Variants in EXOC6 observed in about 807,000 individuals in gnomAD.
The protein encoded by EXOC6 is exocyst complex component 6, also known as SEC15-like 1.
Under a neutral mutation model 112.5 loss-of-function variants are expected in EXOC6, and 60 were observed. The observed-to-expected ratio is 0.53, with a 90% CI of 0.43 to 0.66. The LOEUF is 0.66. Among genes scored for constraint, EXOC6 ranks in the 30% least tolerant of loss-of-function variants. The pLI, the probability that EXOC6 is intolerant of heterozygous loss-of-function variation, is 0.00. For missense variants in EXOC6, 855 were observed against 957.1 expected, an observed-to-expected ratio of 0.89 and a Z score of 1.41; for synonymous variants, 295 against 308.0, an observed-to-expected ratio of 0.96 and a Z score of 0.44.
chr10:93,042,952 A>T (rs1169935646), intron 20 of EXOC6, among the ~76,000 whole-genome samples: 1 of 113,698 alleles, frequency 8.8e-6, no homozygotes, highest in Admixed American at 9.9e-5. Context: ...TATTATTATT[A>T]TTATTATTTT....
At chr10:92,909,231 A>T (rs927499770) in intron 5 of EXOC6, among the ~76,000 whole-genome samples, 196 bp from the exon 6 acceptor site, 4 of 152,208 alleles carry the variant, frequency 2.6e-5, no homozygotes, top group Non-Finnish European at 5.9e-5. Context: ...TATGCCATCA[A>T]CTTTGAGCCT....
At chr10:92,893,857 A>G (rs970750407) in intron 2 of EXOC6, among the ~76,000 whole-genome samples, 25 of 152,300 alleles carry the variant, frequency 1.6e-4, no homozygotes, top group African/African-American at 6.0e-4. Context: ...TTATCCTCTA[A>G]AATTCCTTTA....
At chr10:92,908,009 A>AT (rs1850537158) in intron 5 of EXOC6, among the ~76,000 whole-genome samples, 2 of 150,072 alleles carry the variant, frequency 1.3e-5, no homozygotes, top group Non-Finnish European at 3.0e-5. Context: ...TTGAGAGTAT[A>AT]TGCCAGAAAA....
chr10:93,017,736 G>A (rs1590049627), intron 20 of EXOC6, among the ~76,000 whole-genome samples: 2 of 152,186 alleles, frequency 1.3e-5, no homozygotes, highest in East Asian at 3.9e-4. Context: ...AAAAGGCTGG[G>A]CGTGGTGGCT....
At chr10:93,028,570 C>G (rs1370938391) in intron 20 of EXOC6, among the ~76,000 whole-genome samples, 1 of 152,258 alleles carries the variant, frequency 6.6e-6, no homozygotes, top group East Asian at 1.9e-4. Context: ...TGCGGTGGCT[C>G]AGGCCTGTAA....
chr10:92,917,266 T>G (rs1164546503), intron 7 of EXOC6, among the ~76,000 whole-genome samples: 1 of 152,016 alleles, frequency 6.6e-6, no homozygotes. Context: ...CGCCCAAATC[T>G]AATTATTTTT....
chr10:92,977,101 G>T (rs1842652993), intron 18 of EXOC6, among the ~76,000 whole-genome samples: 1 of 152,074 alleles, frequency 6.6e-6, no homozygotes, highest in Non-Finnish European at 1.5e-5. Flanking sequence ...TATGCTGGAG[G>T]TTGCAAATTA....
At chr10:92,914,383 A>G (rs1172785594) in intron 6 of EXOC6, among the ~76,000 whole-genome samples, 2 of 152,250 alleles carry the variant, frequency 1.3e-5, no homozygotes, top group African/African-American at 4.8e-5. Flanking sequence ...AATAAAGTTA[A>G]GCGGATTTCT....
intron 1 of EXOC6, among the ~76,000 whole-genome samples, chr10:92,838,908 C>T (rs988468416): frequency 1.4e-4 from 21 of 152,208 alleles, no homozygotes; most frequent in African/African-American, 4.3e-4. Context: ...CTCATCTCTA[C>T]TGAAAAATAC....
At chr10:92,828,819 C>G (rs1846427566) in intron 1 of EXOC6, among the ~76,000 whole-genome samples, 1 of 150,608 alleles carries the variant, frequency 6.6e-6, no homozygotes. Flanking sequence ...CAAGACTGAG[C>G]AGGATTAAAC....
At chr10:92,941,809 T>C (rs1852682578) in intron 13 of EXOC6, among the ~76,000 whole-genome samples, 1 of 152,214 alleles carries the variant, frequency 6.6e-6, no homozygotes, top group South Asian at 2.1e-4. Flanking sequence ...TGTAACTTTT[T>C]AGTGACATGA....
At chr10:93,005,909 C>A (rs1236512988) in intron 19 of EXOC6, among the ~76,000 whole-genome samples, 2 of 152,152 alleles carry the variant, frequency 1.3e-5, no homozygotes, top group Non-Finnish European at 2.9e-5. Context: ...CCTGTAATCC[C>A]AGCACTTTGG....
chr10:92,851,227 G>A (rs1311609157), intron 1 of EXOC6, among the ~76,000 whole-genome samples: 3 of 152,140 alleles, frequency 2.0e-5, no homozygotes, highest in Admixed American at 1.3e-4. Context: ...GAAAGGAGAT[G>A]GTAAAGATCA....
chr10:92,849,541 G>T (rs1396487255), intron 1 of EXOC6, among the ~76,000 whole-genome samples: 1 of 152,090 alleles, frequency 6.6e-6, no homozygotes, highest in African/African-American at 2.4e-5. Context: ...TTCATCTTTT[G>T]GAGTGATAAT....
chr10:92,957,516 A>G (rs1308241907), intron 17 of EXOC6, among the ~76,000 whole-genome samples: 1 of 152,202 alleles, frequency 6.6e-6, no homozygotes, highest in Admixed American at 6.5e-5. Flanking sequence ...AGCCATAACT[A>G]TCATTGCATA....
intron 18 of EXOC6, among the ~76,000 whole-genome samples, chr10:92,991,093 T>C (rs541327516): frequency 6.6e-6 from 1 of 151,572 alleles, no homozygotes; most frequent in Non-Finnish European, 1.5e-5. Flanking sequence ...TGTAAACCAC[T>C]TCTGTTGTCT....
chr10:92,972,137 T>C (rs1842324951), intron 17 of EXOC6, among the ~76,000 whole-genome samples: 1 of 152,174 alleles, frequency 6.6e-6, no homozygotes, highest in Non-Finnish European at 1.5e-5. Flanking sequence ...CGTGCACATG[T>C]TGGGGTGTGT....
At chr10:92,871,540 C>CTCACGCCTGT (rs1490576562) in intron 1 of EXOC6, among the ~76,000 whole-genome samples, 63 of 150,048 alleles carry the variant, frequency 4.2e-4, no homozygotes, top group Middle Eastern at 7.4e-3. Context: ...GTTGCAGTGG[C>CTCACGCCTGT]TCACGCCTGT....
At chr10:92,887,394 T>A (rs1349057608) in intron 1 of EXOC6, among the ~76,000 whole-genome samples, 1 of 141,964 alleles carries the variant, frequency 7.0e-6, no homozygotes, top group Non-Finnish European at 1.5e-5. Flanking sequence ...AATTTAATTT[T>A]TTTTTTTTTT....
Sources: gnomAD v4.1 joint callset for allele counts (sites outside exome capture counted in the v4.1 genomes callset) on GRCh38, gnomAD v4.1.1 for gene constraint, MANE v1.5 for transcripts, NCBI Gene and HGNC (gene_info 2026-07-23, HGNC 2026-07-21) for gene names.